The following PLXNB2 variants were observed in gnomAD, a reference collection of about 807,000 sequenced individuals.
PLXNB2 encodes plexin B2, also known as plexin-B2.
PLXNB2 carries 85 observed loss-of-function variants against 202.6 expected under a neutral mutation model. The observed-to-expected ratio is 0.42, with a 90% CI of 0.35 to 0.50. The LOEUF (loss-of-function observed/expected upper bound fraction) is 0.50, where lower values mean the gene tolerates loss of function less well. Ranked by LOEUF, PLXNB2 falls within the 20% of genes least tolerant of loss-of-function variation. The pLI is 0.02. For synonymous variants in PLXNB2, 1,239 were observed against 1,137.6 expected (o/e 1.09, Z -1.79); for missense variants, 2,063 against 2,586.2 (o/e 0.80, Z 4.39).
chr22:50,284,410 A>C lies in PLXNB2; in HGVS notation c.2181+163T>G, dbSNP rs2066265790. Reference sequence around the variant, plus strand: ...CTCTGTCCCCAGGGAGGCAGAGGGCAGAGGGGGCTTCCCCAGCAGCACAGG... The same window carrying C: ...CTCTGTCCCCAGGGAGGCAGAGGGCCGAGGGGGCTTCCCCAGCAGCACAGG... On this transcript the variant is annotated intron_variant, in intron 12 of 36. Coordinates refer to ENST00000359337, the MANE Select transcript of PLXNB2 (RefSeq NM_012401.4). This position sits in a 1 kb window ranked among gnomAD's most constrained non-coding sequence, Gnocchi z 8.0. Among the ~76,000 whole-genome samples, 1 of 152,060 alleles carries C rather than the reference A, an allele frequency of 6.6e-6. No individual in the cohort carries two copies. Among genetic ancestry groups the C allele is most frequent in the Non-Finnish European group, 1.5e-5 (1 of 67,970 alleles).
rs1043048582 is a variant in PLXNB2 at position 50,291,368 on chromosome 22, G to A, written c.-13-771C>T. On this transcript the variant is annotated intron_variant, in intron 2 of 36. Coordinates refer to ENST00000359337, the MANE Select transcript of PLXNB2 (RefSeq NM_012401.4). This position sits in a 1 kb window ranked among gnomAD's most constrained non-coding sequence, Gnocchi z 4.3. ...AATCCACCAGGTCTCAGAGGCAGAGGCCCCCACATCTGCAGCCTGGACAGG... is the reference window on the plus strand; with the variant it reads ...AATCCACCAGGTCTCAGAGGCAGAGACCCCCACATCTGCAGCCTGGACAGG... Among the ~76,000 whole-genome samples the A allele has an allele frequency of 6.6e-6, 1 of 152,068 alleles. No homozygotes were observed. Among genetic ancestry groups the A allele is most frequent in the African/African-American group, 2.4e-5 (1 of 41,408 alleles).
At chr22:50,287,601 G>A in intron 7 of PLXNB2, 66 bp downstream of exon 7, 2 of 1,433,692 alleles carry the variant, frequency 1.4e-6, no homozygotes, top group Non-Finnish European at 1.9e-6. Flanking sequence ...ACAGCTCCCA[G>A]CATGGGGGAG....
chr22:50,279,922 C>T, intron 26 of PLXNB2, 83 bp downstream of exon 26: 1 of 1,400,182 alleles, frequency 7.1e-7, no homozygotes, highest in Non-Finnish European at 1.0e-6. Flanking sequence ...CCTCAAGGTG[C>T]CGTACAGATA....
chr22:50,290,555 C>T lies in PLXNB2; in HGVS notation c.30G>A (p.Leu10=). 2.5e-6 allele frequency: 4 copies of T among 1,610,674 alleles called. No homozygotes were observed. Among genetic ancestry groups the T allele is most frequent in the Non-Finnish European group, 3.4e-6 (4 of 1,179,596 alleles). MALQLWALT[L]LGLLGAGASL... ...TGGCACCTGCGCCCAGCAGGCCCAG[C>T]AGGGTCAGGGCCCAGAGCTGCAGTG... Residue 10 remains leucine (L), a synonymous_variant, in exon 3 of 37, where the codon CTG becomes CTA. Coordinates refer to ENST00000359337, the MANE Select transcript of PLXNB2 (RefSeq NM_012401.4).
intron 22 of PLXNB2, 34 bp downstream of exon 22, chr22:50,281,326 T>C: frequency 6.2e-7 from 1 of 1,608,698 alleles, no homozygotes; most frequent in Non-Finnish European, 8.5e-7. Flanking sequence ...GGCCGAGGGC[T>C]CAGGGTGTTG....
At chr22:50,282,987 A>T in intron 17 of PLXNB2, 63 bp downstream of exon 17, 1 of 1,573,082 alleles carries the variant, frequency 6.4e-7, no homozygotes, top group South Asian at 1.2e-5. Flanking sequence ...GGTCTCAGTA[A>T]GTGCCCCCCT....
intron 26 of PLXNB2, 99 bp downstream of exon 26, chr22:50,279,906 G>A (rs982442629): frequency 7.2e-7 from 1 of 1,398,484 alleles, no homozygotes; most frequent in Non-Finnish European, 1.0e-6. Flanking sequence ...GTCCAGGCAG[G>A]GCCCACCTCA....
Position 50,288,794 on chromosome 22 carries a change from G to T in PLXNB2, c.1329C>A (p.Asp443Glu). The T allele has an allele frequency of 6.2e-7, 1 of 1,613,174 alleles. No individual in the cohort carries two copies. The highest frequency in any genetic ancestry group is 8.5e-7 in the Non-Finnish European group (1 of 1,179,972). Residue 443 changes from aspartate (D) to glutamate (E), a missense_variant, in exon 5 of 37, where the codon GAC becomes GAA. By Grantham distance (45) the Asp-to-Glu change is conservative. Around this residue, in one of 2 missense-constraint regions of PLXNB2, gnomAD observed 1,303 missense variants for 1,476.8 expected, o/e 0.88. Coordinates refer to ENST00000359337, the MANE Select transcript of PLXNB2 (RefSeq NM_012401.4). The surrounding 1 kb of genome is among the most constrained non-coding windows in gnomAD (Gnocchi z 5.0). ...LVEINKRVKR[D>E]LVLSGDLGSL... ...TGCCCAGGTCTCCAGACAGTACCAGGTCGCGCTTGACTCTCTTGTTTATCT... is the reference window on the plus strand; with the variant it reads ...TGCCCAGGTCTCCAGACAGTACCAGTTCGCGCTTGACTCTCTTGTTTATCT...
intron 2 of PLXNB2, 73 bp downstream of exon 2, chr22:50,294,646 G>GT: frequency 1.6e-6 from 1 of 628,332 alleles, no homozygotes; most frequent in South Asian, 6.9e-5. Context: ...CCACATGGCA[G>GT]TTCTAGATAC....
rs771691320 is a variant in PLXNB2 at position 50,283,375 on chromosome 22, G to C, written c.2641C>G (p.Leu881Val). Residue 881 changes from leucine to valine, a missense_variant, in exon 16 of 37, where the codon CTG (leucine) becomes GTG (valine). Around this residue, in one of 2 missense-constraint regions of PLXNB2, gnomAD observed 1,303 missense variants for 1,476.8 expected, o/e 0.88. Transcript: ENST00000359337. ...GGVEVDVFGK[L>V]GRSPPNVQFT... ...TGGACATTGGGAGGCGAACGGCCCAGTTTCCCGAAGACGTCCACCTCGACA... is the reference window on the plus strand; with the variant it reads ...TGGACATTGGGAGGCGAACGGCCCACTTTCCCGAAGACGTCCACCTCGACA... 6.2e-7 allele frequency: 1 copy of C among 1,613,246 alleles called. No individual in the cohort carries two copies. The highest frequency in any genetic ancestry group is 8.5e-7 in the Non-Finnish European group (1 of 1,179,936).
rs533901499 is a variant in PLXNB2 at position 50,291,093 on chromosome 22, G to A, written c.-13-496C>T. Among the ~76,000 whole-genome samples the A allele has an allele frequency of 6.6e-6, 1 of 152,168 alleles. No individual in the cohort carries two copies. Among genetic ancestry groups the A allele is most frequent in the Non-Finnish European group, 1.5e-5 (1 of 68,016 alleles). On this transcript the variant is annotated intron_variant, in intron 2 of 36. Transcript: ENST00000359337. The surrounding 1 kb of genome is among the most constrained non-coding windows in gnomAD (Gnocchi z 4.3). ...GAGGTGAAGGACACGGGAAACCAGA[G>A]GCTCAGGTGAGAGCGAGGGGTGCCC... is the stretch of plus-strand genomic sequence containing the variant.
intron 31 of PLXNB2, 40 bp downstream of exon 31, chr22:50,278,077 G>A (rs746087731): frequency 4.4e-6 from 7 of 1,602,684 alleles, no homozygotes; most frequent in Non-Finnish European, 5.9e-6. Flanking sequence ...GGGTCTCAGC[G>A]TGGCGGCCTG....
intron 2 of PLXNB2, among the ~76,000 whole-genome samples, chr22:50,290,912 A>T (rs548469517): frequency 1.3e-5 from 2 of 152,214 alleles, no homozygotes; most frequent in East Asian, 3.9e-4. Context: ...CAAGGAGTTG[A>T]CGCCCCCAGA....
chr22:50,297,011 G>A lies in PLXNB2; in HGVS notation c.-73-2233C>T, dbSNP rs1004955218. Among the ~76,000 whole-genome samples the A allele has an allele frequency of 1.7e-4, 26 of 152,128 alleles. 1 individual carries two copies. Among genetic ancestry groups the A allele is most frequent in the Admixed American group, 5.2e-4 (8 of 15,272 alleles). On this transcript the variant is annotated intron_variant, in intron 1 of 36. Transcript: ENST00000359337. The surrounding 1 kb of genome is among the most constrained non-coding windows in gnomAD (Gnocchi z 5.3). The stretch of plus-strand genomic sequence containing the variant: ...TTCGGGGGGCAGAGGGCATCCTTTC[G>A]ACCTGAGACTCAACAGCACCTTTGT...
intron 15 of PLXNB2, 53 bp from the exon 16 acceptor site, chr22:50,283,498 C>A: frequency 6.4e-7 from 1 of 1,571,526 alleles, no homozygotes; most frequent in East Asian, 2.3e-5. Context: ...ACCCCACACC[C>A]TGACACCCTC....
intron 34 of PLXNB2, 49 bp from the exon 35 acceptor site, chr22:50,276,753 G>T (rs373444055): frequency 1.1e-5 from 17 of 1,598,400 alleles, no homozygotes; most frequent in Non-Finnish European, 2.6e-6. Flanking sequence ...GACCACAAAG[G>T]GGGTGGTGGG....
intron 28 of PLXNB2, 57 bp downstream of exon 28, chr22:50,278,798 G>A: frequency 6.3e-7 from 1 of 1,598,640 alleles, no homozygotes; most frequent in Non-Finnish European, 8.5e-7. Flanking sequence ...TACCGCCCCA[G>A]GACACAGGCC....
intron 1 of PLXNB2, among the ~76,000 whole-genome samples, chr22:50,304,293 C>T (rs1168085048): frequency 6.6e-6 from 1 of 152,212 alleles, no homozygotes; most frequent in Non-Finnish European, 1.5e-5. Flanking sequence ...TCATGAATCT[C>T]ACAGGGCAGG....
chr22:50,307,006 C>CT (rs2067908160), intron 1 of PLXNB2, among the ~76,000 whole-genome samples: 1 of 152,140 alleles, frequency 6.6e-6, no homozygotes, highest in African/African-American at 2.4e-5. Flanking sequence ...GCTTCTGAGA[C>CT]TTTCTGTGTC....
Sources: allele counts gnomAD v4.1 joint callset (sites outside exome capture counted in the v4.1 genomes callset), GRCh38; gene constraint gnomAD v4.1.1; regional missense constraint gnomAD v4.1.1; non-coding constraint Gnocchi (gnomAD v3.1); transcripts MANE v1.5; gene names NCBI Gene and HGNC (gene_info 2026-07-23, HGNC 2026-07-21).